Variants in CDHR4 observed in about 807,000 individuals in gnomAD.
CDHR4 encodes the protein cadherin-related family member 4.
In CDHR4, 89 loss-of-function variants were observed where a neutral mutation model predicts 88.4. The observed-to-expected ratio is 1.01, with a 90% confidence interval of 0.85 to 1.20. CDHR4 has a LOEUF of 1.20. CDHR4 is among the 50% of genes most tolerant of loss of function. The pLI is 0.00. For missense variants in CDHR4, 914 were observed against 1,007.2 expected (o/e 0.91, Z 1.25); for synonymous variants, 368 against 399.2 (o/e 0.92, Z 0.93).
At chr3:49,792,006 C>G in intron 15 of CDHR4, 47 bp from the exon 16 acceptor site, 2 of 1,537,022 alleles carry the variant, frequency 1.3e-6, no homozygotes, top group Non-Finnish European at 1.8e-6. Context: ...AGCAGGCCTA[C>G]TGGCTCCAGG....
At chr3:49,796,343 C>A (rs2081270453) in intron 5 of CDHR4, among the ~76,000 whole-genome samples, 1 of 152,070 alleles carries the variant, frequency 6.6e-6, no homozygotes, top group African/African-American at 2.4e-5. Flanking sequence ...CCAGACTGCA[C>A]TGACCATTTT....
chr3:49,800,638 G>A (rs998781637), upstream of CDHR4, among the ~76,000 whole-genome samples: 1 of 152,186 alleles, frequency 6.6e-6, no homozygotes, highest in Non-Finnish European at 1.5e-5. Context: ...GGCACCAGGT[G>A]GCATCCAGGA....
chr3:49,796,918 T>A lies in CDHR4; in HGVS notation c.606+4A>T. 1 of 1,550,106 alleles carries A rather than the reference T, an allele frequency of 6.5e-7. No homozygotes were observed. The highest frequency in any genetic ancestry group is 2.4e-5 in the East Asian group (1 of 40,914). ...AACACCCTCAGATTCCAGGTCATGC[T>A]CACCTTTTGAGCCTGGCCTAGGAGG... On this transcript the variant is annotated splice_donor_region_variant and intron_variant, in intron 5 of 18. Coordinates refer to ENST00000412678, the MANE Select transcript of CDHR4 (RefSeq NM_001007540.4).
Position 49,795,225 on chromosome 3 carries a change from C to T in CDHR4, c.1002G>A (p.Trp334Ter). 1 of 1,551,638 alleles carries T rather than the reference C, an allele frequency of 6.4e-7. No homozygotes were observed. Among genetic ancestry groups the T allele is most frequent in the Non-Finnish European group, 8.7e-7 (1 of 1,146,978 alleles). ...LTMNVQLVNLWPPRCLPALLV... is the reference protein window; with the variant it reads ...LTMNVQLVNL Reference sequence around the variant, plus strand: ...GAAGCGCTGGGAGGCAGCGTGGAGGCCAGAGGTTGACCAGCTGCACATTCA... The same window carrying T: ...GAAGCGCTGGGAGGCAGCGTGGAGGTCAGAGGTTGACCAGCTGCACATTCA... Residue 334 changes from tryptophan (W) to a stop codon, truncating the protein, a stop_gained, in exon 8 of 19, where the codon TGG (tryptophan) becomes TGA (stop). Coordinates refer to ENST00000412678, the MANE Select transcript of CDHR4 (RefSeq NM_001007540.4). LOFTEE classifies it high-confidence loss of function. This position sits in a 1 kb window ranked among gnomAD's most constrained non-coding sequence, Gnocchi z 5.4.
chr3:49,799,843 G>T lies in CDHR4; in HGVS notation c.-31C>A. 1 of 1,612,656 alleles carries T rather than the reference G, an allele frequency of 6.2e-7. No individual in the cohort carries two copies. On this transcript the variant is annotated 5_prime_UTR_variant, in exon 1 of 19. Transcript: ENST00000412678. ...CCTGAAGACACAGACAGCAGAGGAG[G>T]CTTCAGAAAGCTAGGCTGTTTGTCT...
intron 5 of CDHR4, 51 bp downstream of exon 5, chr3:49,796,871 T>A (rs941920961): frequency 3.4e-5 from 49 of 1,426,628 alleles, no homozygotes; most frequent in African/African-American, 4.3e-5. Context: ...TTCTAAAAGG[T>A]AGGCACTCTA....
Position 49,798,315 on chromosome 3 carries a change from G to A in CDHR4, c.495+511C>T, listed in dbSNP as rs193240709. ...AAGAACTCAGCCCCTGGCTGGGAGC[G>A]GTGGCTCATGCCTGTAATCCCAGCA... is the stretch of plus-strand genomic sequence containing the variant. On this transcript the variant is annotated intron_variant, in intron 4 of 18. Transcript: ENST00000412678. 250 of 154,526 alleles carry A rather than the reference G, an allele frequency of 1.6e-3. 2 individuals carry two copies. Among genetic ancestry groups the A allele is most frequent in the Non-Finnish European group, 2.4e-3 (166 of 70,528 alleles). 9.6% of individuals were successfully genotyped at this position (154,526 alleles called of 1,614,324 possible).
chr3:49,792,702 C>T, intron 14 of CDHR4, 92 bp from the exon 15 acceptor site: 1 of 1,508,336 alleles, frequency 6.6e-7, no homozygotes, highest in Non-Finnish European at 8.9e-7. Context: ...CCACCCCACA[C>T]CCATGATTTG....
In CDHR4 at chr3:49,795,017, A is replaced by C; in HGVS notation, c.1115T>G (p.Leu372Arg). Reference sequence around the variant, plus strand: ...GCTGCGGAACCACAGCTTGTAGTCCAGGGTGGCACCAACAGAGTCCGGATC... The same window carrying C: ...GCTGCGGAACCACAGCTTGTAGTCCCGGGTGGCACCAACAGAGTCCGGATC... ...CEDPDSVGATLDYKLWFRSSS... is the reference protein window; with the variant it reads ...CEDPDSVGATRDYKLWFRSSS... Residue 372 changes from leucine to arginine, a missense_variant, in exon 9 of 19, where the codon CTG becomes CGG. By Grantham distance (102) the Leu-to-Arg change is moderately radical. Coordinates refer to ENST00000412678, the MANE Select transcript of CDHR4 (RefSeq NM_001007540.4). The surrounding 1 kb of genome is among the most constrained non-coding windows in gnomAD (Gnocchi z 5.4). 15 of 1,551,722 alleles carry C rather than the reference A, an allele frequency of 9.7e-6. No homozygotes were observed. The highest frequency in any genetic ancestry group is 1.3e-5 in the Non-Finnish European group (15 of 1,146,984).
intron 4 of CDHR4, among the ~76,000 whole-genome samples, chr3:49,797,910 T>A (rs960050108): frequency 2.0e-5 from 2 of 97,708 alleles, no homozygotes; most frequent in Non-Finnish European, 4.5e-5. Context: ...TTTAAATACT[T>A]TTTTTTTTTT....
At chr3:49,792,319 C>T (rs1413323426) in intron 15 of CDHR4, 149 bp downstream of exon 15, 1 of 1,000,708 alleles carries the variant, frequency 1.0e-6, no homozygotes, top group South Asian at 1.7e-5. Flanking sequence ...AATCTAAAGA[C>T]CTCTGGAGGG....
chr3:49,795,855 T>C lies in CDHR4; in HGVS notation c.710+88A>G. ...TCCCTGGGCCCCCTCCTGTCAGGGC[T>C]GGGACTCAGCTCCAGCAGCCTCACC... On this transcript the variant is annotated intron_variant, in intron 6 of 18. Transcript: ENST00000412678. The surrounding 1 kb of genome is among the most constrained non-coding windows in gnomAD (Gnocchi z 5.4). 1 of 1,524,810 alleles carries C rather than the reference T, an allele frequency of 6.6e-7. No individual in the cohort carries two copies. The highest frequency in any genetic ancestry group is 1.3e-5 in the South Asian group (1 of 79,388). 94.5% of individuals were successfully genotyped at this position (1,524,810 alleles called of 1,614,324 possible).
intron 10 of CDHR4, 101 bp from the exon 11 acceptor site, chr3:49,794,107 T>A: frequency 1.7e-6 from 2 of 1,193,076 alleles, no homozygotes; most frequent in Non-Finnish European, 2.4e-6. Flanking sequence ...GTCTAAAGAG[T>A]GAGAGGGTCT....
intron 18 of CDHR4, 21 bp from the exon 19 acceptor site, chr3:49,790,908 A>G (rs1394912391): frequency 1.3e-6 from 2 of 1,545,864 alleles, no homozygotes; most frequent in African/African-American, 2.7e-5. Context: ...TAGGAGAGAG[A>G]GGAGAGCAGG....
chr3:49,793,822 A>G lies in CDHR4; in HGVS notation c.1464T>C (p.Phe488=). The G allele has an allele frequency of 6.4e-7, 1 of 1,551,772 alleles. No homozygotes were observed. Among genetic ancestry groups the G allele is most frequent in the Non-Finnish European group, 8.7e-7 (1 of 1,146,984 alleles). ...EYYTSGGPTT[F]AVDRLSGEVH... Reference sequence around the variant, plus strand: ...ATGTACCGCTGAGACGGTCCACAGCAAAGGTGGTAGGACCACCAGAGGTGT... The same window carrying G: ...ATGTACCGCTGAGACGGTCCACAGCGAAGGTGGTAGGACCACCAGAGGTGT... The change falls in exon 11 of 19, where the codon TTT becomes TTC. Residue 488 remains phenylalanine (F), a synonymous_variant. Coordinates refer to ENST00000412678, the MANE Select transcript of CDHR4 (RefSeq NM_001007540.4).
rs2081209751 is a variant in CDHR4, at chr3:49,793,222, C to G, written c.1713G>C (p.Lys571Asn). ...GCTCCTGAGGGATCTGGCATGACAT[C>G]TTGGTCACCTCCACGCTACGGCCCA... ...APLGRSVEVT[K>N]MSCQIPQEPQ... The change falls in exon 13 of 19, where the codon AAG becomes AAC. Residue 571 changes from lysine to asparagine, a missense_variant. Lys to Asn is a moderately conservative substitution (Grantham distance 94, BLOSUM62 0). Transcript: ENST00000412678. 6.4e-7 allele frequency: 1 copy of G among 1,551,692 alleles called. No homozygotes were observed. The highest frequency in any genetic ancestry group is 2.4e-5 in the East Asian group (1 of 40,922).
chr3:49,791,078 C>T (rs1303865872), intron 18 of CDHR4, among the ~76,000 whole-genome samples, 191 bp from the exon 19 acceptor site: 2 of 152,180 alleles, frequency 1.3e-5, no homozygotes, highest in Non-Finnish European at 2.9e-5. Flanking sequence ...CTCAAATGCA[C>T]AGGAAGCCTC....
chr3:49,802,251 G>A (rs964085858), upstream of CDHR4, among the ~76,000 whole-genome samples: 11 of 151,842 alleles, frequency 7.2e-5, no homozygotes, highest in African/African-American at 1.5e-4. Flanking sequence ...TCCGCTCACT[G>A]CAAGCTCCGC....
chr3:49,794,392 C>T (rs1478224980), intron 10 of CDHR4, among the ~76,000 whole-genome samples: 5 of 149,774 alleles, frequency 3.3e-5, no homozygotes, highest in Non-Finnish European at 7.4e-5. Flanking sequence ...AGCAAAACTC[C>T]GTCTCAAAAA....
Sources: gnomAD v4.1 joint callset for allele counts (sites outside exome capture counted in the v4.1 genomes callset) on GRCh38, gnomAD v4.1.1 for gene constraint, Gnocchi (gnomAD v3.1) non-coding constraint, MANE v1.5 for transcripts, NCBI Gene and HGNC (gene_info 2026-07-23, HGNC 2026-07-21) for gene names.